The following CREBBP variants were observed in gnomAD, a reference collection of about 807,000 sequenced individuals.
CREBBP encodes the protein CREB-binding protein.
CREBBP carries 19 observed loss-of-function variants against 265.0 expected under a neutral mutation model. The ratio of observed to expected loss-of-function variants is 0.07; its 90% confidence interval spans 0.05 to 0.11. CREBBP has a LOEUF of 0.11. CREBBP is among the 10% of genes least tolerant of loss of function. The pLI, the probability that CREBBP is intolerant of heterozygous loss-of-function variation, is 1.00. For synonymous variants in CREBBP, 1,457 were observed against 1,223.7 expected (o/e 1.19, Z -3.98); for missense variants, 2,525 against 3,219.0 (o/e 0.78, Z 5.22).
intron 5 of CREBBP, among the ~76,000 whole-genome samples, chr16:3,786,160 C>T (rs760584189): frequency 2.0e-5 from 3 of 152,092 alleles, no homozygotes; most frequent in Non-Finnish European, 2.9e-5. Context: ...GTCAGGAGTT[C>T]GAGACCAGCC....
intron 5 of CREBBP, 31 bp from the exon 6 acceptor site, chr16:3,782,957 A>C (rs1201087462): frequency 6.2e-7 from 1 of 1,614,054 alleles, no homozygotes; most frequent in East Asian, 2.2e-5. Context: ...ACAGACAAAA[A>C]CGAGAGGTAA....
intron 16 of CREBBP, chr16:3,761,637 G>C (rs564342828): frequency 3.9e-6 from 2 of 510,860 alleles, no homozygotes; most frequent in Admixed American, 4.0e-5. Context: ...ACCTCTGACA[G>C]CAGCCTGAGG....
intron 1 of CREBBP, among the ~76,000 whole-genome samples, chr16:3,859,351 C>T (rs1008723381): frequency 2.6e-5 from 4 of 152,104 alleles, no homozygotes; most frequent in Admixed American, 1.3e-4. Flanking sequence ...TACCACCACA[C>T]CCGGCTAATT....
chr16:3,861,974 G>A (rs973462202), intron 1 of CREBBP, among the ~76,000 whole-genome samples: 5 of 152,092 alleles, frequency 3.3e-5, no homozygotes, highest in African/African-American at 9.7e-5. Context: ...GAGCTCGGCC[G>A]GCAGCCCCCA....
chr16:3,743,301 G>A (rs890281852), intron 23 of CREBBP: 1 of 152,238 alleles, frequency 6.6e-6, no homozygotes, highest in African/African-American at 2.4e-5. Context: ...GAGAAACCGA[G>A]CTAAGGAAAA....
rs2151355728 is a variant in CREBBP at position 3,745,332 on chromosome 16, C to T, written c.3859G>A (p.Gly1287Ser). The change falls in exon 22 of 31, where the codon GGC (glycine) becomes AGC (serine). Residue 1287 changes from glycine (G) to serine (S), a missense_variant. By Grantham distance (56) the Gly-to-Ser change is moderately conservative. Around this residue, in one of 19 missense-constraint regions of CREBBP, gnomAD observed 252 missense variants for 452.5 expected, o/e 0.56. Coordinates refer to ENST00000262367, the MANE Select transcript of CREBBP (RefSeq NM_004380.3). ...PEPFVDCKEC[G>S]RKMHQICVLH... is the part of the protein sequence containing the mutation. ...ACGCAAATCTGATGCATCTTCCGGC[C>T]ACACTCCTTGCAATCAACGAAACTA... 1.2e-6 allele frequency: 2 copies of T among 1,614,118 alleles called. No individual in the cohort carries two copies. Among genetic ancestry groups the T allele is most frequent in the Non-Finnish European group, 1.7e-6 (2 of 1,180,004 alleles).
Position 3,793,505 on chromosome 16 carries a change from T to C in CREBBP, c.1097A>G (p.Lys366Arg). 6.2e-7 allele frequency: 1 copy of C among 1,614,110 alleles called. No individual in the cohort carries two copies. The highest frequency in any genetic ancestry group is 1.3e-5 in the African/African-American group (1 of 75,020). Residue 366 changes from lysine to arginine, a missense_variant, in exon 4 of 31, where the codon AAG becomes AGG. Transcript: ENST00000262367. ...QQLVLLLHAH[K>R]CQRREQANGE... ...GTTTGCTTGCTCTCGTCTCTGACAC[T>C]TATGAGCATGAAGCAGTAGAACCAG...
In CREBBP at chr16:3,780,897, C is replaced by G. The variant is rs2053259278; in HGVS notation, c.1677-19G>C. ...CAGTGGGCTAAGGAGGAAATAAAGA[C>G]ACTTCATCCATCTACTGAAGTGACT... On this transcript the variant is annotated intron_variant, in intron 7 of 30. Coordinates refer to ENST00000262367, the MANE Select transcript of CREBBP (RefSeq NM_004380.3). 6.2e-7 allele frequency: 1 copy of G among 1,612,680 alleles called. No individual in the cohort carries two copies. The highest frequency in any genetic ancestry group is 8.5e-7 in the Non-Finnish European group (1 of 1,179,956).
rs1480203699 is a variant in CREBBP at position 3,757,341 on chromosome 16, C to A, written c.3645G>T (p.Gly1215=). ...CGCGAGGAATGGTACACAGCTGCTT[C>A]CCATAGCAGCACAAAGTCTGTGGGG... ...EFSPQTLCCY[G]KQLCTIPRDA... is the part of the protein sequence containing the mutation. Residue 1215 remains glycine, a synonymous_variant, in exon 19 of 31, where the codon GGG becomes GGT. Transcript: ENST00000262367. 3 of 1,613,848 alleles carry A rather than the reference C, an allele frequency of 1.9e-6. No homozygotes were observed. Among genetic ancestry groups the A allele is most frequent in the Non-Finnish European group, 2.5e-6 (3 of 1,179,906 alleles).
intron 1 of CREBBP, among the ~76,000 whole-genome samples, chr16:3,856,492 A>G (rs531445475): frequency 6.6e-6 from 1 of 151,306 alleles, no homozygotes. Flanking sequence ...AATTAAAAAA[A>G]TTTTTTTTTG....
chr16:3,797,445 T>G (rs1378392139), intron 3 of CREBBP, among the ~76,000 whole-genome samples: 1 of 152,338 alleles, frequency 6.6e-6, no homozygotes, highest in East Asian at 1.9e-4. Flanking sequence ...CTTCAGATAG[T>G]ACTGAATCCT....
At chr16:3,800,382 G>C (rs2053688564) in intron 3 of CREBBP, among the ~76,000 whole-genome samples, 1 of 152,202 alleles carries the variant, frequency 6.6e-6, no homozygotes, top group Admixed American at 6.5e-5. Flanking sequence ...GCCTCCCAAA[G>C]TGCTGGGATT....
intron 4 of CREBBP, among the ~76,000 whole-genome samples, 185 bp downstream of exon 4, chr16:3,793,201 A>G (rs147396891): frequency 3.8e-4 from 58 of 152,330 alleles, no homozygotes; most frequent in African/African-American, 1.3e-3. Flanking sequence ...TCTTCAGCAG[A>G]TAAGACTTCC....
chr16:3,828,400 CTTCT>C (rs536194027), intron 2 of CREBBP, among the ~76,000 whole-genome samples: 1 of 152,218 alleles, frequency 6.6e-6, no homozygotes, highest in Non-Finnish European at 1.5e-5. Context: ...CGAAAGCTGA[CTTCT>C]TTATGGGTCT....
chr16:3,761,828 A>G (rs961901832), intron 16 of CREBBP, among the ~76,000 whole-genome samples: 4 of 152,184 alleles, frequency 2.6e-5, no homozygotes, highest in Non-Finnish European at 4.4e-5. Context: ...ACGAAGCAGC[A>G]TTTGCTAGTC....
intron 22 of CREBBP, 21 bp downstream of exon 22, chr16:3,745,256 A>C (rs1340257162): frequency 1.9e-6 from 3 of 1,609,660 alleles, no homozygotes; most frequent in Admixed American, 1.7e-5. Flanking sequence ...ACTGCCCTCC[A>C]GGCCAGGGGA....
intron 16 of CREBBP, chr16:3,761,602 T>C (rs1368308353): frequency 1.9e-6 from 1 of 517,708 alleles, no homozygotes; most frequent in Non-Finnish European, 3.9e-6. Flanking sequence ...CACCGCCTCC[T>C]CTCCAGGGCA....
chr16:3,838,834 C>T (rs2054508626), intron 2 of CREBBP, among the ~76,000 whole-genome samples: 1 of 152,104 alleles, frequency 6.6e-6, no homozygotes, highest in African/African-American at 2.4e-5. Context: ...CAAGAATGAG[C>T]CACCAAGCTC....
rs762277548 is a variant in CREBBP at position 3,767,920 on chromosome 16, A to G, written c.3061-11T>C. The G allele has an allele frequency of 1.5e-5, 24 of 1,613,402 alleles. No homozygotes were observed. Among genetic ancestry groups the G allele is most frequent in the Non-Finnish European group, 1.9e-5 (23 of 1,179,568 alleles). On this transcript the variant is annotated splice_polypyrimidine_tract_variant and intron_variant, in intron 15 of 30. Transcript: ENST00000262367. ...ATCCTCCTCCATCATCTTGAGAAAA[A>G]CATTACAGATAACATATGAATATCA...
Sources: gnomAD v4.1 joint callset for allele counts (sites outside exome capture counted in the v4.1 genomes callset) on GRCh38, gnomAD v4.1.1 for gene constraint, gnomAD v4.1.1 regional missense constraint, MANE v1.5 for transcripts, NCBI Gene and HGNC (gene_info 2026-07-23, HGNC 2026-07-21) for gene names.